AOAH: variants seen among roughly 807,000 people sequenced by gnomAD.
AOAH encodes the protein acyloxyacyl hydrolase (neutrophil).
In AOAH, 64 loss-of-function variants were observed where a neutral mutation model predicts 92.2. The observed-to-expected ratio is 0.69, with a 90% CI of 0.57 to 0.86. The LOEUF (loss-of-function observed/expected upper bound fraction) is 0.86. AOAH is among the 40% of genes least tolerant of loss of function. AOAH has a pLI of 0.00. For missense variants in AOAH, 656 were observed against 694.6 expected (o/e 0.94, Z 0.62); for synonymous variants, 263 against 254.5 (o/e 1.03, Z -0.32).
At chr7:36,722,719 G>A (rs556704390) in intron 1 of AOAH, among the ~76,000 whole-genome samples, 5 of 151,964 alleles carry the variant, frequency 3.3e-5, no homozygotes, top group Admixed American at 1.3e-4. Flanking sequence ...CGGATCACGA[G>A]GTCAGGAGTT....
chr7:36,592,855 A>T (rs1789840532), intron 12 of AOAH, among the ~76,000 whole-genome samples: 1 of 152,228 alleles, frequency 6.6e-6, no homozygotes, highest in African/African-American at 2.4e-5. Context: ...TTTTACACTA[A>T]TGACAAGGAC....
chr7:36,615,991 C>G (rs1490284014), intron 11 of AOAH, among the ~76,000 whole-genome samples: 1 of 152,108 alleles, frequency 6.6e-6, no homozygotes, highest in Non-Finnish European at 1.5e-5. Flanking sequence ...CAGAGGCCAT[C>G]AGGAGCCGAG....
chr7:36,675,792 G>A (rs1796217671), intron 2 of AOAH, among the ~76,000 whole-genome samples: 1 of 152,128 alleles, frequency 6.6e-6, no homozygotes, highest in African/African-American at 2.4e-5. Flanking sequence ...TATACACCAT[G>A]ATCAGGTGGG....
intron 10 of AOAH, 132 bp downstream of exon 10, chr7:36,618,165 G>A (rs1001417463): frequency 2.5e-5 from 16 of 649,058 alleles, no homozygotes; most frequent in Admixed American, 1.4e-4. Context: ...GAAAATAAAT[G>A]TAAGTTGGTC....
intron 1 of AOAH, among the ~76,000 whole-genome samples, chr7:36,713,070 C>T (rs1424284573): frequency 1.3e-5 from 2 of 152,180 alleles, no homozygotes; most frequent in East Asian, 3.8e-4. Flanking sequence ...CATCAGTGTG[C>T]TGTATTCAGG....
chr7:36,678,608 C>CGCGT lies in AOAH; in HGVS notation c.224-4600_224-4599insACGC, dbSNP rs1554314451. Among the ~76,000 whole-genome samples, 110 of 118,564 alleles carry CGCGT rather than the reference C, an allele frequency of 9.3e-4. 1 individual carries two copies. The highest frequency in any genetic ancestry group is 1.1e-3 in the Non-Finnish European group (58 of 51,438). The allele number at this position is 118,564 out of a possible 152,430, so 77.8% of individuals were successfully genotyped here. A position where few individuals can be genotyped will look rare whatever the true frequency, so the allele number is the denominator to read the frequency against. ...GTGTGTGTGTGTGTGTGTGCGCGCG[C>CGCGT]GCGCGCGTTAGAATTCTGTTTAGCT... On this transcript the variant is annotated intron_variant, in intron 2 of 20. Transcript: ENST00000617537.
intron 19 of AOAH, among the ~76,000 whole-genome samples, chr7:36,523,635 T>G (rs1285022017): frequency 3.6e-5 from 5 of 140,320 alleles, no homozygotes; most frequent in African/African-American, 1.3e-4. Context: ...GCCTGTTTTT[T>G]TTTTTTTTTT....
intron 1 of AOAH, among the ~76,000 whole-genome samples, chr7:36,708,479 C>T (rs1339644563): frequency 2.0e-5 from 3 of 152,066 alleles, no homozygotes; most frequent in Non-Finnish European, 4.4e-5. Context: ...AATTCTTTCG[C>T]TATGGTGGTC....
chr7:36,602,468 G>A (rs1001425776), intron 11 of AOAH, among the ~76,000 whole-genome samples: 1 of 149,554 alleles, frequency 6.7e-6, no homozygotes, highest in Non-Finnish European at 1.5e-5. Flanking sequence ...CATCCCCTAG[G>A]GTGATTGAAC....
At chr7:36,673,915 T>A in intron 3 of AOAH, 28 bp downstream of exon 3, 1 of 1,529,912 alleles carries the variant, frequency 6.5e-7, no homozygotes, top group Non-Finnish European at 9.0e-7. Context: ...AGCAATGGAA[T>A]CAGAGTTATG....
chr7:36,663,226 T>C (rs1477018212), intron 3 of AOAH, among the ~76,000 whole-genome samples: 7 of 152,182 alleles, frequency 4.6e-5, no homozygotes, highest in African/African-American at 1.7e-4. Flanking sequence ...CCCATTGACC[T>C]CCTGCCCCGA....
At chr7:36,545,577 G>A (rs1462815415) in intron 15 of AOAH, among the ~76,000 whole-genome samples, 1 of 152,146 alleles carries the variant, frequency 6.6e-6, no homozygotes, top group Admixed American at 6.5e-5. Context: ...CAATGGTTGG[G>A]GGCAGATGGG....
intron 9 of AOAH, among the ~76,000 whole-genome samples, chr7:36,618,657 T>C (rs1238933208): frequency 1.3e-5 from 2 of 152,180 alleles, no homozygotes; most frequent in African/African-American, 4.8e-5. Context: ...ACTGAGTGAC[T>C]GGACACAGGG....
At position 36,659,224 on chromosome 7, in the gene AOAH, A is replaced by T. The variant is rs762062924; in HGVS notation, c.332T>A (p.Leu111Gln). 2 of 1,613,968 alleles carry T rather than the reference A, an allele frequency of 1.2e-6. No homozygotes were observed. The highest frequency in any genetic ancestry group is 4.5e-5 in the East Asian group (2 of 44,822). Residue 111 changes from leucine (L) to glutamine (Q), a missense_variant, in exon 4 of 21, where the codon CTG becomes CAG. By Grantham distance (113) the Leu-to-Gln change is moderately radical. Transcript: ENST00000617537. ...GCCAGTGTTCTGTTTACAAAACTCC[A>T]GAGTGTGACATACCACATCAGCATT... ...DMNADVVCHT[L>Q]EFCKQNTGQP...
chr7:36,585,252 G>A (rs746546658), intron 12 of AOAH, among the ~76,000 whole-genome samples: 2 of 151,998 alleles, frequency 1.3e-5, no homozygotes, highest in Non-Finnish European at 2.9e-5. Flanking sequence ...AAGACAACGG[G>A]CGATGCCTGT....
At chr7:36,607,750 T>C (rs1791114689) in intron 11 of AOAH, among the ~76,000 whole-genome samples, 2 of 152,244 alleles carry the variant, frequency 1.3e-5, no homozygotes, top group East Asian at 1.9e-4. Flanking sequence ...TGGTCCACTT[T>C]CTTTGTCTAC....
At chr7:36,709,602 C>T (rs1798634923) in intron 1 of AOAH, among the ~76,000 whole-genome samples, 1 of 152,014 alleles carries the variant, frequency 6.6e-6, no homozygotes, top group Non-Finnish European at 1.5e-5. Context: ...CTGAAGGAGC[C>T]TAGGGGTTTT....
chr7:36,634,033 G>A (rs1476336323), intron 5 of AOAH, among the ~76,000 whole-genome samples: 1 of 152,150 alleles, frequency 6.6e-6, no homozygotes, highest in East Asian at 1.9e-4. Flanking sequence ...CACGAGTTGG[G>A]AAGCACTGAT....
chr7:36,705,880 A>T (rs1200274108), intron 1 of AOAH, among the ~76,000 whole-genome samples: 3 of 152,218 alleles, frequency 2.0e-5, no homozygotes, highest in African/African-American at 7.2e-5. Context: ...CTGATCTTCA[A>T]CAAGCCTGAC....
Sources: allele counts gnomAD v4.1 joint callset (sites outside exome capture counted in the v4.1 genomes callset), GRCh38; gene constraint gnomAD v4.1.1; transcripts MANE v1.5; gene names NCBI Gene and HGNC (gene_info 2026-07-23, HGNC 2026-07-21).